Variants in FBRSL1 observed in about 807,000 individuals in gnomAD.
FBRSL1 encodes the protein fibrosin like 1.
In FBRSL1, 51 loss-of-function variants were observed where a neutral mutation model predicts 89.6. The ratio of observed to expected loss-of-function variants is 0.57; its 90% confidence interval spans 0.45 to 0.72. The LOEUF (loss-of-function observed/expected upper bound fraction) is 0.72. Ranked by LOEUF, FBRSL1 falls within the 30% of genes least tolerant of loss-of-function variation. The probability of loss-of-function intolerance (pLI) is 0.00; values close to 1 mark genes in which losing one functional copy is unlikely to be tolerated. For missense variants in FBRSL1, 1,618 were observed against 1,451.8 expected (o/e 1.11, Z -1.86); for synonymous variants, 779 against 681.1 (o/e 1.14, Z -2.24).
chr12:132,572,346 TGA>T lies in FBRSL1; in HGVS notation c.1434+4_1434+5del, dbSNP rs750194982. ...TACTTCCGACATTCCAGCGTGAGTG[TGA>T]GTGTCCCCGAGGGGCCCGGCGCGTG... On this transcript the variant is annotated splice_donor_region_variant and intron_variant, in intron 10 of 18. Coordinates refer to ENST00000680143, the MANE Select transcript of FBRSL1 (RefSeq NM_001367871.1). The T allele has an allele frequency of 6.4e-6, 10 of 1,550,984 alleles. No homozygotes were observed. Among genetic ancestry groups the T allele is most frequent in the South Asian group, 3.6e-5 (3 of 84,024 alleles).
Position 132,574,528 on chromosome 12 carries a change from C to A in FBRSL1, c.1665C>A (p.Ile555=), listed in dbSNP as rs1376039441. ...GGTGGTGTGCCGTGCACGTGCAGAT[C>A]GCCTGGCAGATCTACCGTCACCAGC... ...PGRWCAVHVQ[I]AWQIYRHQQK... The change falls in exon 14 of 19, where the codon ATC becomes ATA. Residue 555 remains isoleucine (I), a synonymous_variant. Transcript: ENST00000680143. 6.5e-7 allele frequency: 1 copy of A among 1,550,096 alleles called. No individual in the cohort carries two copies. The highest frequency in any genetic ancestry group is 1.2e-5 in the South Asian group (1 of 84,034).
At chr12:132,574,189 CG>C in intron 12 of FBRSL1, 31 bp downstream of exon 12, 1 of 1,428,886 alleles carries the variant, frequency 7.0e-7, no homozygotes, top group African/African-American at 1.4e-5. Flanking sequence ...GTCCCCACCC[CG>C]GGGGATGGCC....
At chr12:132,491,030 C>T (rs2030820793) in intron 1 of FBRSL1, among the ~76,000 whole-genome samples, 169 bp downstream of exon 1, 1 of 152,256 alleles carries the variant, frequency 6.6e-6, no homozygotes, top group African/African-American at 2.4e-5. Context: ...GTGCCCACCG[C>T]TCGCCCAGAC....
rs145427014 is a variant in FBRSL1 at position 132,499,202 on chromosome 12, G to A, written c.291+8341G>A. Among the ~76,000 whole-genome samples the A allele has an allele frequency of 0.02, 3,107 of 152,254 alleles. 50 individuals are homozygous for A. The highest frequency in any genetic ancestry group is 0.031 in the Non-Finnish European group (2,128 of 67,996). On this transcript the variant is annotated intron_variant, in intron 1 of 18. Coordinates refer to ENST00000680143, the MANE Select transcript of FBRSL1 (RefSeq NM_001367871.1). This position sits in a 1 kb window ranked among gnomAD's most constrained non-coding sequence, Gnocchi z 4.3. ...GCTGCACAGTGGAGCCTCCAGGGCCGGCCAGGCAGGGATGGTGCCGGGCAG... is the reference window on the plus strand; with the variant it reads ...GCTGCACAGTGGAGCCTCCAGGGCCAGCCAGGCAGGGATGGTGCCGGGCAG...
In FBRSL1 at chr12:132,505,560, G is replaced by A. The variant is rs188886296; in HGVS notation, c.292-2593G>A. On this transcript the variant is annotated intron_variant, in intron 1 of 18. Transcript: ENST00000680143. ...TGCCTGTCATGGTGGCCTTGGACGG[G>A]ACGCTGTATGGTCTCTGAGCTGCAC... Among the ~76,000 whole-genome samples the A allele has an allele frequency of 3.9e-4, 60 of 152,364 alleles. 1 individual carries two copies. The East Asian group carries it at 0.011, about 27-fold the overall frequency.
intron 14 of FBRSL1, among the ~76,000 whole-genome samples, chr12:132,575,519 G>A (rs549489686): frequency 6.6e-6 from 1 of 152,378 alleles, no homozygotes; most frequent in South Asian, 2.1e-4. Context: ...GAGCCACTGT[G>A]CCCGGCCAGA....
intron 15 of FBRSL1, 56 bp from the exon 16 acceptor site, chr12:132,581,383 A>G (rs2040734756): frequency 1.3e-6 from 2 of 1,550,518 alleles, no homozygotes; most frequent in Non-Finnish European, 8.7e-7. Flanking sequence ...AGAGCTGCAG[A>G]TGGGAGGCCC....
At chr12:132,566,843 T>C (rs1308267014) in intron 5 of FBRSL1, among the ~76,000 whole-genome samples, 3 of 150,344 alleles carry the variant, frequency 2.0e-5, no homozygotes, top group Middle Eastern at 3.4e-3. Flanking sequence ...CATAATGCAG[T>C]GTCCTGTGGG....
At chr12:132,578,341 T>TCACACACACA (rs547551851) in intron 15 of FBRSL1, among the ~76,000 whole-genome samples, 3 of 28,648 alleles carry the variant, frequency 1.0e-4, no homozygotes, top group African/African-American at 2.2e-4. Flanking sequence ...CAAGACCCTG[T>TCACACACACA]CTCACACACA....
intron 5 of FBRSL1, among the ~76,000 whole-genome samples, chr12:132,562,830 C>T (rs11146932): frequency 0.24 from 36,048 of 152,086 alleles, 4,984 homozygotes; most frequent in East Asian, 0.33. Context: ...TGCGACGTGA[C>T]TAGGAAGGGC....
chr12:132,578,078 G>A lies in FBRSL1; in HGVS notation c.1834+1147G>A, dbSNP rs536171315. Among the ~76,000 whole-genome samples, 608 of 152,350 alleles carry A rather than the reference G, an allele frequency of 4.0e-3. 1 individual carries two copies. The highest frequency in any genetic ancestry group is 7.4e-3 in the Non-Finnish European group (503 of 68,032). ...CCCGAAACTTAGCCTACTGTTGACA[G>A]GAATCCTTACGATAGCATAAACAGT... On this transcript the variant is annotated intron_variant, in intron 15 of 18. Coordinates refer to ENST00000680143, the MANE Select transcript of FBRSL1 (RefSeq NM_001367871.1).
In FBRSL1 at chr12:132,560,944, G is replaced by T. The variant is rs186154230; in HGVS notation, c.646-6537G>T. ...ACCCCATTTGGGTCATCTGGCCACT[G>T]CCAGAAGCCCTGTCCTAGAAGGGAA... On this transcript the variant is annotated intron_variant, in intron 5 of 18. Coordinates refer to ENST00000680143, the MANE Select transcript of FBRSL1 (RefSeq NM_001367871.1). Among the ~76,000 whole-genome samples the T allele has an allele frequency of 1.7e-3, 256 of 152,306 alleles. 1 individual carries two copies. Among genetic ancestry groups the T allele is most frequent in the African/African-American group, 5.8e-3 (243 of 41,556 alleles).
intron 4 of FBRSL1, among the ~76,000 whole-genome samples, chr12:132,530,996 G>GT (rs1566151714): frequency 7.8e-5 from 8 of 102,158 alleles, no homozygotes; most frequent in Non-Finnish European, 1.7e-4. Flanking sequence ...GTCCAGTGTG[G>GT]GGGGGGGGGT....
chr12:132,510,225 G>A (rs933461012), intron 2 of FBRSL1: 43 of 1,231,800 alleles, frequency 3.5e-5, no homozygotes, highest in East Asian at 6.3e-5. Flanking sequence ...CCCCATTCCC[G>A]ATCGCCCTTC....
intron 4 of FBRSL1, among the ~76,000 whole-genome samples, chr12:132,532,709 C>T (rs948576141): frequency 2.7e-5 from 4 of 146,946 alleles, no homozygotes; most frequent in East Asian, 4.2e-4. Flanking sequence ...GGGTGTTAAG[C>T]GCAGTGCAGG....
intron 5 of FBRSL1, among the ~76,000 whole-genome samples, chr12:132,549,234 C>T (rs565294896): frequency 6.6e-6 from 1 of 152,298 alleles, no homozygotes; most frequent in South Asian, 2.1e-4. Flanking sequence ...GTCTGGGGCT[C>T]CAGCATCCTG....
Position 132,575,618 on chromosome 12 carries a change from C to T in FBRSL1, c.1701+1054C>T, listed in dbSNP as rs577516511. Reference sequence around the variant, plus strand: ...GGTGCTCCTGGTGGGGGGCCGTCCACGGCAGAGTCGGGAGACCTCATCACT... The same window carrying T: ...GGTGCTCCTGGTGGGGGGCCGTCCATGGCAGAGTCGGGAGACCTCATCACT... On this transcript the variant is annotated intron_variant, in intron 14 of 18. Transcript: ENST00000680143. 2.6e-5 allele frequency among the ~76,000 whole-genome samples: 4 copies of T among 152,322 alleles called. No homozygotes were observed. In the East Asian group the frequency reaches 7.7e-4, roughly 29 times the overall value.
At chr12:132,512,123 G>A (rs973013712) in intron 2 of FBRSL1, among the ~76,000 whole-genome samples, 8 of 152,192 alleles carry the variant, frequency 5.3e-5, no homozygotes, top group Non-Finnish European at 1.0e-4. Context: ...GGCCTGGAAT[G>A]GGGGTTTGTA....
intron 1 of FBRSL1, among the ~76,000 whole-genome samples, chr12:132,491,538 G>A (rs962565137): frequency 6.6e-6 from 1 of 152,234 alleles, no homozygotes; most frequent in African/African-American, 2.4e-5. Flanking sequence ...AAGTTGCCCT[G>A]CACCAGGGCC....
Sources: gnomAD v4.1 joint callset for allele counts (sites outside exome capture counted in the v4.1 genomes callset) on GRCh38, gnomAD v4.1.1 for gene constraint, Gnocchi (gnomAD v3.1) non-coding constraint, MANE v1.5 for transcripts, NCBI Gene and HGNC (gene_info 2026-07-23, HGNC 2026-07-21) for gene names.